Variants in GNA14 observed in about 807,000 individuals in gnomAD.
GNA14 encodes G protein subunit alpha 14, also known as guanine nucleotide-binding protein subunit alpha-14.
A neutral mutation model predicts 42.0 loss-of-function variants in GNA14; 50 were observed. The observed-to-expected ratio is 1.19, with a 90% CI of 0.95 to 1.51. GNA14 has a LOEUF of 1.51. GNA14 is among the 40% of genes most tolerant of loss of function. The probability of loss-of-function intolerance (pLI) is 0.00; values close to 1 mark genes in which losing one functional copy is unlikely to be tolerated. For synonymous variants in GNA14, 173 were observed against 163.1 expected (o/e 1.06, Z -0.46); for missense variants, 473 against 446.2 (o/e 1.06, Z -0.54).
chr9:77,484,420 T>C (rs543241515), intron 2 of GNA14, among the ~76,000 whole-genome samples: 6 of 152,130 alleles, frequency 3.9e-5, no homozygotes, highest in Non-Finnish European at 8.8e-5. Flanking sequence ...GTGAACAATA[T>C]TTATATAATC....
intron 2 of GNA14, among the ~76,000 whole-genome samples, chr9:77,478,090 A>G (rs1452792669): frequency 2.0e-5 from 3 of 151,122 alleles, no homozygotes; most frequent in Non-Finnish European, 4.4e-5. Flanking sequence ...GGGTTTTTAC[A>G]TATTTATATA....
chr9:77,462,187 G>T (rs1836120155), intron 2 of GNA14, among the ~76,000 whole-genome samples: 1 of 152,144 alleles, frequency 6.6e-6, no homozygotes, highest in African/African-American at 2.4e-5. Context: ...ATGTTCACCA[G>T]TCTTTGCCCC....
chr9:77,582,566 A>G (rs1823241979), intron 1 of GNA14, among the ~76,000 whole-genome samples: 1 of 152,192 alleles, frequency 6.6e-6, no homozygotes, highest in Non-Finnish European at 1.5e-5. Context: ...GGTTATATCT[A>G]TCTGAATTTT....
chr9:77,441,872 ACC>A (rs1161310368), intron 2 of GNA14, among the ~76,000 whole-genome samples: 3 of 152,226 alleles, frequency 2.0e-5, no homozygotes, highest in Non-Finnish European at 2.9e-5. Context: ...ATATTCCATA[ACC>A]ATCAGCTTTT....
rs183894405 is a variant in GNA14 at position 77,447,167 on chromosome 9, A to G, written c.310-12645T>C. On this transcript the variant is annotated intron_variant, in intron 2 of 6. Transcript: ENST00000341700. ...ACCATGTTAGCCAGGCTGGTCTCCA[A>G]CTCCTGACCTCAAATGATCGCTGAC... Among the ~76,000 whole-genome samples the G allele has an allele frequency of 5.7e-3, 869 of 151,934 alleles. 7 individuals carry two copies. Among genetic ancestry groups the G allele is most frequent in the Middle Eastern group, 0.01 (3 of 294 alleles).
intron 2 of GNA14, among the ~76,000 whole-genome samples, chr9:77,478,717 A>G (rs1243147924): frequency 2.6e-5 from 4 of 152,080 alleles, no homozygotes; most frequent in African/African-American, 9.7e-5. Context: ...AATGATTGCC[A>G]TTCTAACTGG....
At chr9:77,531,565 C>A (rs1162771937) in intron 1 of GNA14, among the ~76,000 whole-genome samples, 1 of 152,146 alleles carries the variant, frequency 6.6e-6, no homozygotes, top group Non-Finnish European at 1.5e-5. Context: ...CAATCCAGTG[C>A]TAGATTACCC....
intron 2 of GNA14, among the ~76,000 whole-genome samples, chr9:77,436,939 C>A (rs1221542420): frequency 6.6e-6 from 1 of 152,178 alleles, no homozygotes; most frequent in African/African-American, 2.4e-5. Context: ...CCGTGCAGGT[C>A]ACAGTGGGAG....
chr9:77,440,549 A>G (rs966190454), intron 2 of GNA14, among the ~76,000 whole-genome samples: 2 of 152,204 alleles, frequency 1.3e-5, no homozygotes, highest in Admixed American at 6.5e-5. Flanking sequence ...ATTTACTTAT[A>G]TTTTAATTGA....
intron 1 of GNA14, among the ~76,000 whole-genome samples, chr9:77,552,136 A>G (rs921032999): frequency 1.3e-5 from 2 of 151,376 alleles, no homozygotes; most frequent in African/African-American, 2.4e-5. Context: ...CAAAAAAAAA[A>G]AAAAAAAAAA....
chr9:77,521,638 G>A (rs1837356351), intron 2 of GNA14, among the ~76,000 whole-genome samples: 1 of 152,060 alleles, frequency 6.6e-6, no homozygotes, highest in Non-Finnish European at 1.5e-5. Flanking sequence ...GCTTTCTGGT[G>A]TTAGAAATAT....
intron 1 of GNA14, among the ~76,000 whole-genome samples, chr9:77,592,896 A>C (rs113534286): frequency 1.6e-4 from 24 of 152,136 alleles, no homozygotes; most frequent in African/African-American, 5.6e-4. Flanking sequence ...TTTGATTAAC[A>C]CTTTTAACTG....
At chr9:77,604,551 A>C (rs771504201) in intron 1 of GNA14, among the ~76,000 whole-genome samples, 2 of 152,184 alleles carry the variant, frequency 1.3e-5, no homozygotes, top group Admixed American at 6.5e-5. Flanking sequence ...CTGAAAACAC[A>C]GTAAGATAAA....
chr9:77,430,864 A>T (rs1019675692), intron 4 of GNA14, among the ~76,000 whole-genome samples: 1 of 152,244 alleles, frequency 6.6e-6, no homozygotes, highest in African/African-American at 2.4e-5. Context: ...TAGTTTGTAC[A>T]TATTATTCTT....
chr9:77,588,633 A>G (rs763032666), intron 1 of GNA14, among the ~76,000 whole-genome samples: 1 of 152,226 alleles, frequency 6.6e-6, no homozygotes, highest in Admixed American at 6.5e-5. Context: ...AGGAAGCAGG[A>G]AAATATATTT....
intron 1 of GNA14, among the ~76,000 whole-genome samples, chr9:77,636,349 C>T (rs1369859332): frequency 6.6e-6 from 1 of 152,058 alleles, no homozygotes; most frequent in East Asian, 1.9e-4. Context: ...TTTTTTCTCT[C>T]ATTCATTAAA....
At chr9:77,455,690 C>A (rs1227941547) in intron 2 of GNA14, among the ~76,000 whole-genome samples, 6 of 152,166 alleles carry the variant, frequency 3.9e-5, no homozygotes, top group Non-Finnish European at 8.8e-5. Flanking sequence ...AATATATATT[C>A]TTGGAGTTAA....
intron 1 of GNA14, among the ~76,000 whole-genome samples, chr9:77,570,627 A>AT (rs981140096): frequency 1.3e-5 from 2 of 151,732 alleles, no homozygotes; most frequent in Admixed American, 6.6e-5. Flanking sequence ...CATTTTGTTT[A>AT]TTTTTTCATC....
At chr9:77,619,671 G>C (rs1284079669) in intron 1 of GNA14, among the ~76,000 whole-genome samples, 1 of 152,168 alleles carries the variant, frequency 6.6e-6, no homozygotes, top group Non-Finnish European at 1.5e-5. Context: ...ACAACAACTT[G>C]CAAGGATGAA....
Sources: gnomAD v4.1 joint callset for allele counts (sites outside exome capture counted in the v4.1 genomes callset) on GRCh38, gnomAD v4.1.1 for gene constraint, MANE v1.5 for transcripts, NCBI Gene and HGNC (gene_info 2026-07-23, HGNC 2026-07-21) for gene names.